The following SBF2 variants were observed in gnomAD, a reference collection of about 807,000 sequenced individuals.
SBF2 encodes the protein SET binding factor 2, also known as myotubularin-related protein 13.
A neutral mutation model predicts 225.2 loss-of-function variants in SBF2; 112 were observed. That is an observed-to-expected ratio of 0.50 (90% CI 0.43 to 0.58). The LOEUF (loss-of-function observed/expected upper bound fraction) is 0.58, where lower values mean the gene tolerates loss of function less well. Ranked by LOEUF, SBF2 falls within the 20% of genes least tolerant of loss-of-function variation. The probability of loss-of-function intolerance (pLI) is 0.00; values close to 1 mark genes in which losing one functional copy is unlikely to be tolerated. For synonymous variants in SBF2, 763 were observed against 773.3 expected (o/e 0.99, Z 0.22); for missense variants, 1,996 against 2,206.2 (o/e 0.90, Z 1.91).
intron 26 of SBF2, 26 bp downstream of exon 26, chr11:9,839,472 T>C: frequency 1.2e-6 from 2 of 1,608,034 alleles, no homozygotes; most frequent in Non-Finnish European, 1.7e-6. Context: ...GGAAGACCTC[T>C]TTTTGGAGCC....
At chr11:10,218,708 T>G (rs1028230701) in intron 1 of SBF2, among the ~76,000 whole-genome samples, 1 of 152,132 alleles carries the variant, frequency 6.6e-6, no homozygotes, top group Non-Finnish European at 1.5e-5. Flanking sequence ...GTACAGGCAT[T>G]TGGTTAATAC....
chr11:9,930,577 T>C (rs1864416357), intron 16 of SBF2, among the ~76,000 whole-genome samples: 1 of 152,186 alleles, frequency 6.6e-6, no homozygotes, highest in Non-Finnish European at 1.5e-5. Context: ...ATTGTTGTGA[T>C]AGTTTCAAAG....
chr11:9,797,673 C>T lies in SBF2; in HGVS notation c.4444-1716G>A, dbSNP rs570919134. Among the ~76,000 whole-genome samples, 3 of 152,300 alleles carry T rather than the reference C, an allele frequency of 2.0e-5. No individual in the cohort carries two copies. The South Asian group carries it at 6.2e-4, about 32-fold the overall frequency. On this transcript the variant is annotated intron_variant, in intron 32 of 39. Transcript: ENST00000256190. Reference sequence around the variant, plus strand: ...TCCTATGATCATGCAATACAAGCAACTAATTATAAAAACTGGCTGGGCGTG... The same window carrying T: ...TCCTATGATCATGCAATACAAGCAATTAATTATAAAAACTGGCTGGGCGTG...
chr11:9,909,031 C>G (rs563036605), intron 16 of SBF2, among the ~76,000 whole-genome samples: 6 of 151,898 alleles, frequency 4.0e-5, no homozygotes, highest in Non-Finnish European at 8.8e-5. Flanking sequence ...GCATATCCTC[C>G]CTAATTAGTC....
chr11:9,908,441 C>T (rs1014561471), intron 16 of SBF2, among the ~76,000 whole-genome samples: 8 of 151,968 alleles, frequency 5.3e-5, no homozygotes, highest in African/African-American at 7.2e-5. Flanking sequence ...CTGGCTAACA[C>T]GGTGAAACCC....
rs144492138 is a variant in SBF2 at position 10,021,654 on chromosome 11, T to C, written c.619+6798A>G. On this transcript the variant is annotated intron_variant, in intron 6 of 39. Transcript: ENST00000256190. ...GAGAAGAACAAAGGAAATGCTATCATTACATTTAGACCTTTCACAGGAAAA... is the reference window on the plus strand; with the variant it reads ...GAGAAGAACAAAGGAAATGCTATCACTACATTTAGACCTTTCACAGGAAAA... Among the ~76,000 whole-genome samples, 244 of 152,272 alleles carry C rather than the reference T, an allele frequency of 1.6e-3. 1 individual carries two copies. Among genetic ancestry groups the C allele is most frequent in the Admixed American group, 3.2e-3 (49 of 15,292 alleles).
intron 36 of SBF2, 37 bp downstream of exon 36, chr11:9,787,597 G>A (rs1418575433): frequency 3.7e-5 from 58 of 1,561,022 alleles, no homozygotes; most frequent in Non-Finnish European, 4.9e-5. Context: ...CCCTCAGAAA[G>A]CTCAGAAGTG....
At chr11:10,226,871 T>G (rs1958586880) in intron 1 of SBF2, among the ~76,000 whole-genome samples, 1 of 152,180 alleles carries the variant, frequency 6.6e-6, no homozygotes, top group South Asian at 2.1e-4. Flanking sequence ...GGTCAAATGG[T>G]ATTTCTAGTT....
At chr11:10,247,720 A>G (rs1168507916) in intron 1 of SBF2, among the ~76,000 whole-genome samples, 1 of 152,064 alleles carries the variant, frequency 6.6e-6, no homozygotes, top group African/African-American at 2.4e-5. Context: ...ATAAAATAAA[A>G]TAACAATCAA....
intron 1 of SBF2, among the ~76,000 whole-genome samples, chr11:10,220,149 G>A (rs928532558): frequency 1.3e-5 from 2 of 152,166 alleles, no homozygotes; most frequent in Non-Finnish European, 2.9e-5. Context: ...CAATCATGGC[G>A]CAAGGCAAAG....
At chr11:9,812,855 C>G in intron 29 of SBF2, 147 bp from the exon 30 acceptor site, 1 of 794,320 alleles carries the variant, frequency 1.3e-6, no homozygotes, top group Non-Finnish European at 2.1e-6. Context: ...CAATCTTGTA[C>G]AGCAATGTGT....
At chr11:10,070,188 T>C (rs1950805511) in intron 2 of SBF2, among the ~76,000 whole-genome samples, 1 of 152,220 alleles carries the variant, frequency 6.6e-6, no homozygotes, top group Non-Finnish European at 1.5e-5. Context: ...ATTTTGGCTT[T>C]TGTTGCCATT....
At chr11:10,254,635 G>A (rs563045875) in intron 1 of SBF2, among the ~76,000 whole-genome samples, 6 of 150,910 alleles carry the variant, frequency 4.0e-5, no homozygotes, top group Admixed American at 1.3e-4. Context: ...GATGGGCACC[G>A]AGGCTCACGC....
chr11:10,290,491 T>C (rs993725903), intron 1 of SBF2, among the ~76,000 whole-genome samples: 15 of 151,722 alleles, frequency 9.9e-5, no homozygotes, highest in Non-Finnish European at 2.1e-4. Flanking sequence ...GGGGAGGGTG[T>C]CCCTGTATGG....
chr11:9,860,847 G>C lies in SBF2; in HGVS notation c.1930-2451C>G, dbSNP rs538474234. Among the ~76,000 whole-genome samples, 22 of 152,156 alleles carry C rather than the reference G, an allele frequency of 1.4e-4. No homozygotes were observed. The Middle Eastern group carries it at 0.01, about 71-fold the overall frequency. On this transcript the variant is annotated intron_variant, in intron 17 of 39. Coordinates refer to ENST00000256190, the MANE Select transcript of SBF2 (RefSeq NM_030962.4). ...CAAATCCTTATCAGATTCTCACAAAGTACTTTTAGGATAATCAGCATGCCA... is the reference window on the plus strand; with the variant it reads ...CAAATCCTTATCAGATTCTCACAAACTACTTTTAGGATAATCAGCATGCCA...
intron 2 of SBF2, among the ~76,000 whole-genome samples, chr11:10,108,577 T>A (rs1442119037): frequency 7.4e-6 from 1 of 134,460 alleles, no homozygotes; most frequent in East Asian, 2.2e-4. Context: ...CAGGCTGGAG[T>A]GCAGTGGCGC....
At chr11:9,900,143 A>G (rs1178463421) in intron 16 of SBF2, among the ~76,000 whole-genome samples, 1 of 152,050 alleles carries the variant, frequency 6.6e-6, no homozygotes, top group East Asian at 1.9e-4. Context: ...GAGTATTTTA[A>G]AAGAAAGCAG....
At chr11:10,036,233 G>A (rs1037667556) in intron 3 of SBF2, among the ~76,000 whole-genome samples, 9 of 152,074 alleles carry the variant, frequency 5.9e-5, no homozygotes, top group Non-Finnish European at 8.8e-5. Flanking sequence ...GACACAGGGC[G>A]GGGAACATCA....
chr11:10,079,842 G>A (rs1001275837), intron 2 of SBF2, among the ~76,000 whole-genome samples: 4 of 152,102 alleles, frequency 2.6e-5, no homozygotes, highest in African/African-American at 9.7e-5. Context: ...ATCAGCAAGA[G>A]TAAAGCATCT....
Sources: allele counts gnomAD v4.1 joint callset (sites outside exome capture counted in the v4.1 genomes callset), GRCh38; gene constraint gnomAD v4.1.1; transcripts MANE v1.5; gene names NCBI Gene and HGNC (gene_info 2026-07-23, HGNC 2026-07-21).